Variants in C6orf62 observed in about 807,000 individuals in gnomAD.
The protein encoded by C6orf62 is chromosome 6 open reading frame 62, also known as uncharacterized protein C6orf62.
Under a neutral mutation model 26.8 loss-of-function variants are expected in C6orf62, and 16 were observed. The observed-to-expected ratio is 0.60, with a 90% CI of 0.40 to 0.91. The LOEUF (loss-of-function observed/expected upper bound fraction) is 0.91. Ranked by LOEUF, C6orf62 falls within the 40% of genes least tolerant of loss-of-function variation. The probability of loss-of-function intolerance (pLI) is 0.00; values close to 1 mark genes in which losing one functional copy is unlikely to be tolerated. For missense variants in C6orf62, 192 were observed against 271.4 expected (o/e 0.71, Z 2.06); for synonymous variants, 112 against 91.5 (o/e 1.22, Z -1.28).
upstream of C6orf62, chr6:24,720,750 A>C (rs1779342020): frequency 6.6e-6 from 1 of 152,304 alleles, no homozygotes; most frequent in Non-Finnish European, 1.5e-5. Flanking sequence ...CGTCCGCGGC[A>C]GTACTGCCTC....
chr6:24,720,012 A>AGGGGGGGCG, upstream of C6orf62: 1 of 1,463,274 alleles, frequency 6.8e-7, no homozygotes. Flanking sequence ...TTCTAAAGTA[A>AGGGGGGGCG]GCCCACCCAC....
intron 4 of C6orf62, 137 bp downstream of exon 4, chr6:24,708,640 T>C: frequency 8.3e-7 from 1 of 1,200,298 alleles, no homozygotes; most frequent in Non-Finnish European, 1.2e-6. Flanking sequence ...GCCCAGCCTA[T>C]TTTTTGCTTT....
chr6:24,719,832 C>A (rs1427844688), upstream of C6orf62: 2 of 1,549,334 alleles, frequency 1.3e-6, no homozygotes, highest in Non-Finnish European at 1.7e-6. Flanking sequence ...CCCACCCCCA[C>A]CCCTTGCCTT....
intron 2 of C6orf62, 49 bp from the exon 3 acceptor site, chr6:24,714,489 C>A: frequency 7.1e-7 from 1 of 1,406,130 alleles, no homozygotes; most frequent in South Asian, 1.4e-5. Flanking sequence ...GAAACAGCTA[C>A]ATCAAGCCAT....
intron 3 of C6orf62, chr6:24,709,551 A>G: frequency 1.0e-5 from 10 of 983,634 alleles, no homozygotes; most frequent in Non-Finnish European, 1.2e-5. Flanking sequence ...GACAGTTAAG[A>G]GGGTTAAATG....
In C6orf62 at chr6:24,716,180, G is replaced by C; in HGVS notation, c.274C>G (p.Leu92Val). Residue 92 changes from leucine (L) to valine (V), a missense_variant, in exon 2 of 5, where the codon CTC (leucine) becomes GTC (valine). Leu to Val is a conservative substitution (Grantham distance 32). Coordinates refer to ENST00000378119, the MANE Select transcript of C6orf62 (RefSeq NM_030939.5). ...LELLQKDVVQ[L>V]HAPRYQSMRR... ...ATAGACTGATATCGAGGAGCATGGA[G>C]CTGTACCACATCCTTCTGTAAAAGC... The C allele has an allele frequency of 6.2e-7, 1 of 1,613,980 alleles. No homozygotes were observed. Among genetic ancestry groups the C allele is most frequent in the Non-Finnish European group, 8.5e-7 (1 of 1,179,896 alleles).
At chr6:24,712,538 A>G (rs371309153) in intron 3 of C6orf62, among the ~76,000 whole-genome samples, 3 of 151,838 alleles carry the variant, frequency 2.0e-5, no homozygotes, top group South Asian at 4.1e-4. Context: ...GCGTGGTGGC[A>G]TGTCCCTGTA....
chr6:24,708,327 G>A (rs953502026), intron 4 of C6orf62, among the ~76,000 whole-genome samples: 2 of 150,772 alleles, frequency 1.3e-5, no homozygotes, highest in African/African-American at 4.9e-5. Context: ...TCTACAGTGA[G>A]GCCTGGGAAA....
chr6:24,710,288 G>A (rs995618158), intron 3 of C6orf62: 109 of 903,676 alleles, frequency 1.2e-4, no homozygotes, highest in Non-Finnish European at 1.3e-4. Flanking sequence ...TTTTTGAGAC[G>A]GAATTTCGCT....
chr6:24,715,291 T>C (rs1415357127), intron 2 of C6orf62, among the ~76,000 whole-genome samples: 2 of 152,218 alleles, frequency 1.3e-5, no homozygotes, highest in East Asian at 1.9e-4. Flanking sequence ...TGTGGGGATC[T>C]CTTGGTTCAG....
Position 24,708,879 on chromosome 6 carries a change from T to A in C6orf62, c.462A>T (p.Glu154Asp). 1 of 1,614,198 alleles carries A rather than the reference T, an allele frequency of 6.2e-7. No individual in the cohort carries two copies. The highest frequency in any genetic ancestry group is 8.5e-7 in the Non-Finnish European group (1 of 1,180,034). ...AKFEFHHGDYEKQFLHVLSRK... is the reference protein window; with the variant it reads ...AKFEFHHGDYDKQFLHVLSRK... ...GGCTCAGTACATGCAGAAACTGTTTTTCATAGTCACCATGATGAAACTCAA... is the reference window on the plus strand; with the variant it reads ...GGCTCAGTACATGCAGAAACTGTTTATCATAGTCACCATGATGAAACTCAA... Residue 154 changes from glutamate to aspartate, a missense_variant, in exon 4 of 5, where the codon GAA (glutamate) becomes GAT (aspartate). By Grantham distance (45) the Glu-to-Asp change is conservative. Coordinates refer to ENST00000378119, the MANE Select transcript of C6orf62 (RefSeq NM_030939.5).
upstream of C6orf62, chr6:24,719,329 G>C: frequency 2.0e-6 from 2 of 996,628 alleles, no homozygotes; most frequent in Non-Finnish European, 2.4e-6. Flanking sequence ...GTCAGTGCTT[G>C]TTATTGATTA....
chr6:24,716,812 C>T (rs1417079320), intron 1 of C6orf62, among the ~76,000 whole-genome samples: 2 of 152,068 alleles, frequency 1.3e-5, no homozygotes, highest in Admixed American at 1.3e-4. Flanking sequence ...CAACCTCTGC[C>T]TCCTGGGTTC....
Position 24,710,147 on chromosome 6 carries a change from G to A in C6orf62, c.430-1236C>T, listed in dbSNP as rs1365641291. On this transcript the variant is annotated intron_variant, in intron 3 of 4. Coordinates refer to ENST00000378119, the MANE Select transcript of C6orf62 (RefSeq NM_030939.5). ...TTAGCTACTAAACAATAGGAATAAG[G>A]TTACTTCAGCCTTAAGGGGCTTATT... The A allele has an allele frequency of 9.1e-6, 9 of 984,984 alleles. No homozygotes were observed. The South Asian group carries it at 3.3e-4, about 36-fold the overall frequency. The allele number at this position is 984,984 out of a possible 1,614,324, so 61.0% of individuals were successfully genotyped here. A position where few individuals can be genotyped will look rare whatever the true frequency, so the allele number is the denominator to read the frequency against.
At chr6:24,720,461 C>T, upstream of C6orf62, 1 of 1,033,934 alleles carries the variant, frequency 9.7e-7, no homozygotes, top group East Asian at 5.6e-5. Context: ...GCGCCCTGGG[C>T]GGCAACGGAG....
chr6:24,719,828 C>G (rs758980655), upstream of C6orf62: 15 of 1,549,468 alleles, frequency 9.7e-6, no homozygotes, highest in South Asian at 1.8e-4. Context: ...AGGTCCCACC[C>G]CCACCCCTTG....
chr6:24,719,042 G>A lies in C6orf62; in HGVS notation c.-374C>T, dbSNP rs373511842. ...AAAAGCCTATAATCAGGATTTAGGT[G>A]TGCAATAAAACACAGCTGACACCAG... On this transcript the variant is annotated 5_prime_UTR_variant, in exon 1 of 5. Transcript: ENST00000378119. The A allele has an allele frequency of 7.5e-6, 8 of 1,059,952 alleles. No individual in the cohort carries two copies. In the African/African-American group the frequency reaches 1.0e-4, roughly 14 times the overall value. The allele number at this position is 1,059,952 out of a possible 1,614,324, so 65.7% of individuals were successfully genotyped here.
chr6:24,720,318 G>C (rs962795433), upstream of C6orf62: 6 of 1,293,996 alleles, frequency 4.6e-6, no homozygotes, highest in East Asian at 1.2e-4. Flanking sequence ...CTGGTAGCAC[G>C]GGCAGGAGCC....
At chr6:24,709,636 CAGTT>C in intron 3 of C6orf62, 1 of 985,358 alleles carries the variant, frequency 1.0e-6, no homozygotes, top group South Asian at 4.7e-5. Context: ...ATTTTTCCCA[CAGTT>C]AGCCTTGGGT....
Sources: allele counts gnomAD v4.1 joint callset (sites outside exome capture counted in the v4.1 genomes callset), GRCh38; gene constraint gnomAD v4.1.1; transcripts MANE v1.5; gene names NCBI Gene and HGNC (gene_info 2026-07-23, HGNC 2026-07-21).